The following APC variants were observed in gnomAD, a reference collection of about 807,000 sequenced individuals.
APC encodes the protein APC regulator of Wnt signaling pathway.
Under a neutral mutation model 247.0 loss-of-function variants are expected in APC, and 72 were observed. That is an observed-to-expected ratio of 0.29 (90% CI 0.24 to 0.35). APC has a LOEUF of 0.35. Ranked by LOEUF, APC falls within the 10% of genes least tolerant of loss-of-function variation. APC has a pLI of 1.00. For missense variants in APC, 3,400 were observed against 3,360.7 expected, an observed-to-expected ratio of 1.01 and a Z score of -0.29; for synonymous variants, 1,254 against 1,162.5, an observed-to-expected ratio of 1.08 and a Z score of -1.60.
intron 8 of APC, among the ~76,000 whole-genome samples, chr5:112,806,438 A>G (rs1302636028): frequency 6.6e-6 from 1 of 152,164 alleles, no homozygotes; most frequent in Non-Finnish European, 1.5e-5. Flanking sequence ...TCTGTTTTTA[A>G]TCTCTCATGG....
intron 8 of APC, 106 bp downstream of exon 8, chr5:112,801,489 T>G: frequency 1.2e-6 from 1 of 813,968 alleles, no homozygotes; most frequent in South Asian, 1.6e-5. Flanking sequence ...ATTTTCTTAG[T>G]CCTGAATGCA....
chr5:112,773,134 T>C (rs2149807765), intron 4 of APC, among the ~76,000 whole-genome samples: 1 of 152,302 alleles, frequency 6.6e-6, no homozygotes, highest in East Asian at 1.9e-4. Context: ...AATCAGTCCA[T>C]CACTATTAAG....
chr5:112,827,691 T>C (rs958182741), intron 12 of APC, among the ~76,000 whole-genome samples: 1 of 152,234 alleles, frequency 6.6e-6, no homozygotes, highest in African/African-American at 2.4e-5. Context: ...TTGCTTATCA[T>C]TTCTCACCAC....
At chr5:112,786,949 G>T (rs1251510435) in intron 6 of APC, among the ~76,000 whole-genome samples, 1 of 132,832 alleles carries the variant, frequency 7.5e-6, no homozygotes, top group Non-Finnish European at 1.5e-5. Flanking sequence ...GTACAGTCAT[G>T]CAATTTTGTC....
At chr5:112,829,172 T>C in intron 14 of APC, 200 bp downstream of exon 14, 1 of 470,350 alleles carries the variant, frequency 2.1e-6, no homozygotes, top group Non-Finnish European at 3.9e-6. Context: ...GGGGTCTCTT[T>C]CTCTCGCCCA....
At chr5:112,776,177 A>G (rs1757627475) in intron 5 of APC, among the ~76,000 whole-genome samples, 3 of 152,206 alleles carry the variant, frequency 2.0e-5, no homozygotes, top group African/African-American at 7.2e-5. Flanking sequence ...TAGCTATAGC[A>G]CGGATATTAG....
intron 6 of APC, among the ~76,000 whole-genome samples, chr5:112,784,427 C>G (rs539789173): frequency 3.4e-4 from 52 of 152,254 alleles, no homozygotes; most frequent in Non-Finnish European, 6.0e-4. Context: ...GACAATTTGG[C>G]ATTATTTGCC....
In APC at chr5:112,712,643, G is replaced by T. The variant is rs553517726; in HGVS notation, c.165+4761G>T. Among the ~76,000 whole-genome samples, 80 of 151,684 alleles carry T rather than the reference G, an allele frequency of 5.3e-4. 1 individual carries two copies. Among genetic ancestry groups the T allele is most frequent in the African/African-American group, 1.9e-3 (79 of 41,324 alleles). On this transcript the variant is annotated intron_variant, in intron 1 of 13. Coordinates refer to the APC transcript ENST00000507379. ...TCCTGGGCTCAAGTGATCCACCTGG[G>T]ATTCTCAAAGTGCTGGGACTGCAGG...
In APC at chr5:112,839,787, G is replaced by A. The variant is rs1561590497; in HGVS notation, c.4193G>A (p.Ser1398Asn). ...TSVSSLDSFE[S>N]RSIASSVQSE... The stretch of plus-strand genomic sequence containing the variant: ...GTCAGTTCACTTGATAGTTTTGAGA[G>A]TCGTTCGATTGCCAGCTCCGTTCAG... The change falls in exon 16 of 16, where the codon AGT becomes AAT. Residue 1398 changes from serine to asparagine, a missense_variant. This residue lies in a region of APC where 40 missense variants were observed against 75.6 expected (regional missense o/e 0.53). Transcript: ENST00000257430. This position sits in a 1 kb window ranked among gnomAD's most constrained non-coding sequence, Gnocchi z 5.0. 2.5e-6 allele frequency: 4 copies of A among 1,614,106 alleles called. No individual in the cohort carries two copies. The highest frequency in any genetic ancestry group is 3.4e-6 in the Non-Finnish European group (4 of 1,180,020).
chr5:112,782,004 G>C (rs1758403116), intron 6 of APC, among the ~76,000 whole-genome samples: 1 of 152,174 alleles, frequency 6.6e-6, no homozygotes, highest in African/African-American at 2.4e-5. Flanking sequence ...AAAGTGCTAG[G>C]ATTTAGAGTC....
chr5:112,815,637 T>G (rs1762437804), intron 9 of APC, 44 bp downstream of exon 9: 2 of 1,504,790 alleles, frequency 1.3e-6, no homozygotes, highest in African/African-American at 1.4e-5. Context: ...CCATGACTAC[T>G]TTGCTAAGAC....
intron 1 of APC, among the ~76,000 whole-genome samples, chr5:112,709,738 C>CA (rs1036246826): frequency 6.4e-4 from 96 of 150,514 alleles, no homozygotes; most frequent in South Asian, 2.3e-3. Context: ...CTCATCTGTA[C>CA]AAAAAAAAAT....
Position 112,837,487 on chromosome 5 carries a change from C to G in APC, c.1959-66C>G, listed in dbSNP as rs944633121. 2.5e-6 allele frequency: 3 copies of G among 1,214,670 alleles called. No individual in the cohort carries two copies. In the Admixed American group the frequency reaches 5.3e-5, roughly 21 times the overall value. 75.2% of individuals were successfully genotyped at this position (1,214,670 alleles called of 1,614,324 possible). A position where few individuals can be genotyped will look rare whatever the true frequency, so the allele number is the denominator to read the frequency against. On this transcript the variant is annotated intron_variant, in intron 15 of 15. Transcript: ENST00000257430. The stretch of plus-strand genomic sequence containing the variant: ...CATATTATGCCTTTTGTCTTCTATC[C>G]TTTTATTTGTTGTTACTGCATACAC...
chr5:112,738,902 A>C (rs1752653661), intron 1 of APC, among the ~76,000 whole-genome samples: 1 of 152,262 alleles, frequency 6.6e-6, no homozygotes, highest in African/African-American at 2.4e-5. Context: ...ACGAAATCTT[A>C]ATAAATTATG....
chr5:112,760,651 G>T (rs1489619352), intron 2 of APC, among the ~76,000 whole-genome samples: 3 of 152,164 alleles, frequency 2.0e-5, no homozygotes, highest in African/African-American at 7.2e-5. Context: ...TTCCATTCAA[G>T]ATAAATGTCA....
At chr5:112,722,077 G>A (rs976609675) in intron 1 of APC, among the ~76,000 whole-genome samples, 1 of 152,168 alleles carries the variant, frequency 6.6e-6, no homozygotes, top group Admixed American at 6.5e-5. Flanking sequence ...TGAGAAAGCG[G>A]CACAGAAAGT....
intron 1 of APC, 21 bp from the exon 2 acceptor site, chr5:112,754,852 A>C: frequency 6.2e-7 from 1 of 1,612,242 alleles, no homozygotes. Flanking sequence ...GTGAATTTCA[A>C]AATCCTTTTT....
intron 8 of APC, among the ~76,000 whole-genome samples, chr5:112,814,294 G>C (rs530336397): frequency 1.3e-5 from 2 of 152,254 alleles, no homozygotes; most frequent in Non-Finnish European, 2.9e-5. Context: ...CTCCTGTCCA[G>C]AGTTGCATCC....
chr5:112,754,043 T>G (rs948841379), intron 1 of APC, among the ~76,000 whole-genome samples: 1 of 152,180 alleles, frequency 6.6e-6, no homozygotes, highest in African/African-American at 2.4e-5. Flanking sequence ...GTATCTTCTT[T>G]GTCTCTCCTC....
Sources: gnomAD v4.1 joint callset for allele counts (sites outside exome capture counted in the v4.1 genomes callset) on GRCh38, gnomAD v4.1.1 for gene constraint, gnomAD v4.1.1 regional missense constraint, Gnocchi (gnomAD v3.1) non-coding constraint, MANE v1.5 for transcripts, NCBI Gene and HGNC (gene_info 2026-07-23, HGNC 2026-07-21) for gene names.